EFCAB11: variants seen among roughly 807,000 people sequenced by gnomAD.
The protein encoded by EFCAB11 is EF-hand calcium-binding domain-containing protein 11.
A neutral mutation model predicts 23.0 loss-of-function variants in EFCAB11; 14 were observed. The ratio of observed to expected loss-of-function variants is 0.61; its 90% CI spans 0.40 to 0.95. EFCAB11 has a LOEUF of 0.95. EFCAB11 is among the 40% of genes least tolerant of loss of function. The pLI is 0.00. For synonymous variants in EFCAB11, 65 were observed against 66.6 expected (o/e 0.98, Z 0.11); for missense variants, 198 against 195.8 (o/e 1.01, Z -0.07).
chr14:89,929,061 T>G (rs370255347), intron 5 of EFCAB11, among the ~76,000 whole-genome samples: 24,111 of 144,510 alleles, frequency 0.17, 2,647 homozygotes, highest in South Asian at 0.3. Context: ...ACACATATTT[T>G]TTTTTAGGAG....
chr14:89,864,449 G>T (rs1888024610), intron 5 of EFCAB11, among the ~76,000 whole-genome samples: 1 of 151,202 alleles, frequency 6.6e-6, no homozygotes, highest in African/African-American at 2.4e-5. Context: ...TTTTCAGATG[G>T]GGTCTCACTC....
At position 89,869,816 on chromosome 14, in the gene EFCAB11, C is replaced by T. The variant is rs76419598; in HGVS notation, c.410+61725G>A. ...GAGACCTCACAAAGAATCTAGTGTC[C>T]TAACTCCCAACAACAACTAGACCAC... On this transcript the variant is annotated intron_variant, in intron 5 of 5. Coordinates refer to ENST00000316738, the MANE Select transcript of EFCAB11 (RefSeq NM_145231.4). Among the ~76,000 whole-genome samples the T allele has an allele frequency of 1.7e-3, 255 of 152,266 alleles. 5 individuals carry two copies. The East Asian group carries it at 0.047, about 28-fold the overall frequency.
intron 5 of EFCAB11, among the ~76,000 whole-genome samples, chr14:89,812,998 T>C (rs1209029985): frequency 6.6e-6 from 1 of 152,132 alleles, no homozygotes; most frequent in Non-Finnish European, 1.5e-5. Context: ...AAGTAAATGT[T>C]TTCACTATAG....
intron 5 of EFCAB11, among the ~76,000 whole-genome samples, chr14:89,929,590 T>A (rs552825890): frequency 1.2e-3 from 180 of 152,262 alleles, no homozygotes; most frequent in African/African-American, 4.2e-3. Context: ...TTCGCCATGT[T>A]GGCCAGGCTG....
intron 5 of EFCAB11, among the ~76,000 whole-genome samples, chr14:89,815,430 C>A (rs1290434845): frequency 6.6e-6 from 1 of 151,812 alleles, no homozygotes; most frequent in Non-Finnish European, 1.5e-5. Flanking sequence ...ATTATGAAAT[C>A]CTTTTTTTTT....
chr14:89,919,645 A>G (rs1889962052), intron 5 of EFCAB11, among the ~76,000 whole-genome samples: 1 of 152,158 alleles, frequency 6.6e-6, no homozygotes, highest in South Asian at 2.1e-4. Context: ...AAACAGGCAG[A>G]GTAGGGGGGA....
chr14:89,892,140 G>A lies in EFCAB11; in HGVS notation c.410+39401C>T, dbSNP rs933025144. Reference sequence around the variant, plus strand: ...CACCAGGAGGTCATGGCCACTCAGGGCCCGGACAAGGTCATCTTCCTGCTG... The same window carrying A: ...CACCAGGAGGTCATGGCCACTCAGGACCCGGACAAGGTCATCTTCCTGCTG... On this transcript the variant is annotated intron_variant, in intron 5 of 5. Coordinates refer to ENST00000316738, the MANE Select transcript of EFCAB11 (RefSeq NM_145231.4). 6 of 1,557,698 alleles carry A rather than the reference G, an allele frequency of 3.9e-6. No homozygotes were observed. In the African/African-American group the frequency reaches 4.1e-5, roughly 11 times the overall value.
intron 3 of EFCAB11, among the ~76,000 whole-genome samples, chr14:89,949,594 G>T (rs774232141): frequency 1.3e-5 from 2 of 152,094 alleles, no homozygotes; most frequent in Non-Finnish European, 2.9e-5. Context: ...TCAAACTCCT[G>T]ACCTCAGACG....
At chr14:89,886,517 C>CAAA (rs762288481) in intron 5 of EFCAB11, among the ~76,000 whole-genome samples, 4 of 14,896 alleles carry the variant, frequency 2.7e-4, no homozygotes, top group African/African-American at 5.2e-4. Context: ...AACTCCGTCT[C>CAAA]AAAAAAAAAA....
chr14:89,851,978 T>C (rs1005739138), intron 5 of EFCAB11, among the ~76,000 whole-genome samples: 1 of 152,176 alleles, frequency 6.6e-6, no homozygotes, highest in Admixed American at 6.5e-5. Context: ...AAAGAGTCTT[T>C]GGAAATTTAA....
intron 3 of EFCAB11, among the ~76,000 whole-genome samples, chr14:89,938,385 T>C (rs1292794370): frequency 6.6e-6 from 1 of 152,192 alleles, no homozygotes; most frequent in Non-Finnish European, 1.5e-5. Context: ...ATTCAAATTA[T>C]GACTTTTGGA....
intron 5 of EFCAB11, among the ~76,000 whole-genome samples, chr14:89,871,467 C>T (rs1471196796): frequency 1.3e-5 from 2 of 152,084 alleles, no homozygotes; most frequent in Non-Finnish European, 2.9e-5. Context: ...GTCTTCCTGC[C>T]TGGAGGAGAG....
intron 5 of EFCAB11, among the ~76,000 whole-genome samples, chr14:89,877,666 T>C (rs1027854082): frequency 1.3e-5 from 2 of 152,192 alleles, no homozygotes; most frequent in African/African-American, 4.8e-5. Context: ...CTAGAATCAA[T>C]GGTGTCTCAG....
At chr14:89,858,636 T>C (rs1037454506) in intron 5 of EFCAB11, among the ~76,000 whole-genome samples, 10 of 148,800 alleles carry the variant, frequency 6.7e-5, no homozygotes, top group African/African-American at 2.5e-4. Context: ...ACCACAGGTG[T>C]GCATCACCAC....
At chr14:89,856,539 A>C (rs1014735802) in intron 5 of EFCAB11, among the ~76,000 whole-genome samples, 44 of 152,130 alleles carry the variant, frequency 2.9e-4, no homozygotes, top group African/African-American at 1.0e-3. Flanking sequence ...GGCTGTACCA[A>C]TGTACATTCC....
intron 3 of EFCAB11, among the ~76,000 whole-genome samples, chr14:89,940,326 G>A (rs571009633): frequency 8.3e-4 from 127 of 152,208 alleles, no homozygotes; most frequent in Non-Finnish European, 1.5e-3. Flanking sequence ...TTGTTCCATA[G>A]GAGCCAAAAT....
intron 5 of EFCAB11, among the ~76,000 whole-genome samples, chr14:89,899,131 T>TACAC (rs1889265313): frequency 6.6e-6 from 1 of 152,234 alleles, no homozygotes; most frequent in Admixed American, 6.5e-5. Flanking sequence ...CGTAGAGAGT[T>TACAC]GCCAAGTGGT....
intron 5 of EFCAB11, among the ~76,000 whole-genome samples, chr14:89,912,290 C>T (rs1889705279): frequency 6.6e-6 from 1 of 152,154 alleles, no homozygotes; most frequent in African/African-American, 2.4e-5. Flanking sequence ...GATCTCTATT[C>T]TAACGTCTAG....
At chr14:89,865,232 T>C (rs1232622674) in intron 5 of EFCAB11, among the ~76,000 whole-genome samples, 1 of 152,238 alleles carries the variant, frequency 6.6e-6, no homozygotes, top group Non-Finnish European at 1.5e-5. Flanking sequence ...CACTTCTGCA[T>C]GGTTCTGTTG....
Sources: allele counts gnomAD v4.1 joint callset (sites outside exome capture counted in the v4.1 genomes callset), GRCh38; gene constraint gnomAD v4.1.1; transcripts MANE v1.5; gene names NCBI Gene and HGNC (gene_info 2026-07-23, HGNC 2026-07-21).